Variants in GRID2 observed in about 807,000 individuals in gnomAD.
GRID2 encodes the protein glutamate receptor ionotropic, delta-2.
GRID2 carries 33 observed loss-of-function variants against 114.8 expected under a neutral mutation model. That is an observed-to-expected ratio of 0.29 (90% CI 0.22 to 0.38). The LOEUF (loss-of-function observed/expected upper bound fraction) is 0.38. Ranked by LOEUF, GRID2 falls within the 10% of genes least tolerant of loss-of-function variation. The pLI is 1.00. For missense variants in GRID2, 1,184 were observed against 1,257.7 expected, an observed-to-expected ratio of 0.94 and a Z score of 0.89; for synonymous variants, 505 against 449.9, an observed-to-expected ratio of 1.12 and a Z score of -1.55.
At chr4:92,535,058 A>C (rs36065598) in intron 1 of GRID2, among the ~76,000 whole-genome samples, 33,239 of 152,088 alleles carry the variant, frequency 0.22, 3,937 homozygotes, top group South Asian at 0.3. Flanking sequence ...TGAATATAAC[A>C]GTGAATTCTC....
intron 2 of GRID2, among the ~76,000 whole-genome samples, chr4:93,042,761 C>A (rs1725723390): frequency 6.8e-6 from 1 of 147,830 alleles, no homozygotes; most frequent in African/African-American, 2.5e-5. Flanking sequence ...AAATTACATT[C>A]CTAGCAACTA....
chr4:93,329,025 AT>A (rs1300186435), intron 8 of GRID2, among the ~76,000 whole-genome samples: 1 of 152,176 alleles, frequency 6.6e-6, no homozygotes, highest in Non-Finnish European at 1.5e-5. Context: ...TGTTCAATCA[AT>A]TTGACTTATT....
chr4:92,786,852 C>G (rs1221472452), intron 2 of GRID2, among the ~76,000 whole-genome samples: 1 of 151,748 alleles, frequency 6.6e-6, no homozygotes, highest in African/African-American at 2.4e-5. Flanking sequence ...CCAAATTTAA[C>G]CGAAAGCTCA....
At chr4:93,251,362 A>G (rs747171368) in intron 8 of GRID2, among the ~76,000 whole-genome samples, 1 of 152,060 alleles carries the variant, frequency 6.6e-6, no homozygotes, top group Non-Finnish European at 1.5e-5. Flanking sequence ...TTGAAGCTCT[A>G]TTTTTTTAAA....
chr4:93,695,149 C>A (rs1207875033), intron 14 of GRID2, among the ~76,000 whole-genome samples: 2 of 143,400 alleles, frequency 1.4e-5, no homozygotes, highest in East Asian at 2.1e-4. Flanking sequence ...CCAGCCTGGG[C>A]AACAGACTGA....
At chr4:92,841,576 C>T (rs1228899027) in intron 2 of GRID2, among the ~76,000 whole-genome samples, 1 of 151,872 alleles carries the variant, frequency 6.6e-6, no homozygotes, top group Non-Finnish European at 1.5e-5. Flanking sequence ...AAAAGTTTAA[C>T]ATTCCAGATG....
intron 2 of GRID2, among the ~76,000 whole-genome samples, chr4:92,786,236 A>T (rs1289549777): frequency 2.6e-5 from 4 of 151,830 alleles, no homozygotes; most frequent in Non-Finnish European, 4.4e-5. Context: ...TTATTAAGGA[A>T]ATGTTGGACA....
chr4:92,880,685 TAAGAA>T (rs2149456960), intron 2 of GRID2, among the ~76,000 whole-genome samples: 1 of 152,130 alleles, frequency 6.6e-6, no homozygotes, highest in East Asian at 1.9e-4. Flanking sequence ...CAAAAACAAA[TAAGAA>T]AAAAACACAA....
rs55823712 is a variant in GRID2, at chr4:93,335,694, C to CT, written c.1246-59901dup. Among the ~76,000 whole-genome samples, 177 of 141,740 alleles carry CT rather than the reference C, an allele frequency of 1.2e-3. 1 individual carries two copies. Among genetic ancestry groups the CT allele is most frequent in the East Asian group, 4.5e-3 (22 of 4,900 alleles). The allele number at this position is 141,740 out of a possible 152,430, so 93.0% of individuals were successfully genotyped here. ...TTCTCTCTCTCTTTCTTTCTTCTTT[C>CT]TTTTTTTTTTTTGAGACAGGGTCTC... On this transcript the variant is annotated intron_variant, in intron 8 of 15. Coordinates refer to ENST00000282020, the MANE Select transcript of GRID2 (RefSeq NM_001510.4).
At chr4:93,386,704 G>T (rs951973890) in intron 8 of GRID2, among the ~76,000 whole-genome samples, 2 of 152,096 alleles carry the variant, frequency 1.3e-5, no homozygotes, top group Non-Finnish European at 2.9e-5. Flanking sequence ...CAAACAAAAA[G>T]TTCCTATGGT....
At chr4:92,754,307 A>C (rs62310235) in intron 2 of GRID2, among the ~76,000 whole-genome samples, 13,314 of 152,144 alleles carry the variant, frequency 0.088, 666 homozygotes, top group African/African-American at 0.14. Flanking sequence ...TAAGATCTTT[A>C]CATACACCAA....
intron 8 of GRID2, among the ~76,000 whole-genome samples, chr4:93,281,020 A>T (rs1752590217): frequency 6.6e-6 from 1 of 151,940 alleles, no homozygotes; most frequent in Non-Finnish European, 1.5e-5. Flanking sequence ...TAAAATTTAC[A>T]CATATGCACA....
chr4:93,294,710 C>T (rs1754108058), intron 8 of GRID2, among the ~76,000 whole-genome samples: 1 of 152,048 alleles, frequency 6.6e-6, no homozygotes, highest in Non-Finnish European at 1.5e-5. Context: ...AGGCACGTAC[C>T]ACCATGCCCA....
chr4:92,738,851 T>C (rs776751969), intron 2 of GRID2, among the ~76,000 whole-genome samples: 1 of 152,090 alleles, frequency 6.6e-6, no homozygotes, highest in Non-Finnish European at 1.5e-5. Context: ...ATCCCTATTA[T>C]TAATTGTTAA....
chr4:93,591,167 A>T (rs1283999141), intron 13 of GRID2, among the ~76,000 whole-genome samples: 3 of 147,918 alleles, frequency 2.0e-5, no homozygotes, highest in Non-Finnish European at 4.5e-5. Context: ...GTTTTTGCCC[A>T]TTCAGTATGA....
chr4:92,513,000 C>A (rs368531475), intron 1 of GRID2, among the ~76,000 whole-genome samples: 1 of 151,720 alleles, frequency 6.6e-6, no homozygotes. Context: ...AACATAAGTA[C>A]AAGATTAACA....
intron 2 of GRID2, among the ~76,000 whole-genome samples, chr4:92,732,000 CA>C (rs1193211891): frequency 6.6e-6 from 1 of 151,716 alleles, no homozygotes; most frequent in Non-Finnish European, 1.5e-5. Context: ...GTAGTCTTAT[CA>C]CTGTTAATAA....
intron 14 of GRID2, among the ~76,000 whole-genome samples, chr4:93,705,122 C>T (rs1386906199): frequency 6.6e-6 from 1 of 152,110 alleles, no homozygotes; most frequent in Non-Finnish European, 1.5e-5. Context: ...TGGTTATAGC[C>T]TATCTTTTGG....
intron 14 of GRID2, among the ~76,000 whole-genome samples, chr4:93,733,858 A>C (rs184781570): frequency 8.0e-4 from 122 of 152,238 alleles, no homozygotes; most frequent in African/African-American, 2.8e-3. Flanking sequence ...TATGTAGGAC[A>C]GACCTAAGAG....
Sources: gnomAD v4.1 joint callset for allele counts (sites outside exome capture counted in the v4.1 genomes callset) on GRCh38, gnomAD v4.1.1 for gene constraint, MANE v1.5 for transcripts, NCBI Gene and HGNC (gene_info 2026-07-23, HGNC 2026-07-21) for gene names.